The following ZMAT1 variants were observed in gnomAD, a reference collection of about 807,000 sequenced individuals.
ZMAT1 encodes the protein zinc finger matrin-type protein 1.
A neutral mutation model predicts 18.5 loss-of-function variants in ZMAT1; 11 were observed. The observed-to-expected ratio is 0.59, with a 90% CI of 0.37 to 0.98. The LOEUF is 0.98. ZMAT1 is among the 50% of genes least tolerant of loss of function. ZMAT1 has a pLI of 0.01. For missense variants in ZMAT1, 525 were observed against 496.2 expected (o/e 1.06, Z -0.55); for synonymous variants, 211 against 176.4 (o/e 1.20, Z -1.55).
intron 1 of ZMAT1, chrX:101,911,632 C>T (rs1031086722): frequency 4.3e-5 from 51 of 1,197,810 alleles, no homozygotes; most frequent in East Asian, 3.3e-4. Context: ...CAAACATTAG[C>T]GAATCCACGC....
chrX:101,911,270 A>G (rs901701065), intron 1 of ZMAT1, among the ~76,000 whole-genome samples: 2 of 112,310 alleles, frequency 1.8e-5, no homozygotes, highest in African/African-American at 6.5e-5. Flanking sequence ...CTGTGCTAAA[A>G]GAAATGCTAA....
At chrX:101,928,238 T>C (rs1930172574) in intron 1 of ZMAT1, among the ~76,000 whole-genome samples, 1 of 112,823 alleles carries the variant, frequency 8.9e-6, no homozygotes, top group Non-Finnish European at 1.9e-5. Flanking sequence ...TTGTTTAGTA[T>C]AGCTGTGTTT....
chrX:101,899,765 G>A lies in ZMAT1; in HGVS notation c.400-1545C>T, dbSNP rs371765025. Among the ~76,000 whole-genome samples, 4 of 112,228 alleles carry A rather than the reference G, an allele frequency of 3.6e-5. No homozygotes were observed. In the Admixed American group the frequency reaches 3.8e-4, roughly 11 times the overall value. On this transcript the variant is annotated intron_variant, in intron 2 of 5. Coordinates refer to ENST00000651725, the MANE Select transcript of ZMAT1 (RefSeq NM_001394560.1). ...TTGTGAATTGTGCTGCTATAAATAT[G>A]CGTGTGCAAGCATCTTTTTTGAATA...
chrX:101,898,965 T>A (rs935684763), intron 2 of ZMAT1, among the ~76,000 whole-genome samples: 5 of 110,986 alleles, frequency 4.5e-5, no homozygotes, highest in African/African-American at 1.6e-4. Context: ...GGAGAATCAC[T>A]TGAACCCGGG....
chrX:101,919,921 A>G (rs1458325148), intron 1 of ZMAT1, among the ~76,000 whole-genome samples: 1 of 111,082 alleles, frequency 9.0e-6, no homozygotes, highest in Non-Finnish European at 1.9e-5. Flanking sequence ...GGATTGAACC[A>G]GAAGAAGGGT....
chrX:101,897,969 A>G lies in ZMAT1; in HGVS notation c.575T>C (p.Ile192Thr), dbSNP rs1927941640. Reference protein sequence around the residue: ...LCNMMFSSPLIAQSHYVGKVH... With the variant: ...LCNMMFSSPLTAQSHYVGKVH... ...CTTTCCCACATAGTGAGACTGAGCA[A>G]TAAGTGGAGAGCTAAACATCATGTT... is the stretch of plus-strand genomic sequence containing the variant. Residue 192 changes from isoleucine to threonine, a missense_variant, in exon 4 of 6, where the codon ATT (isoleucine) becomes ACT (threonine). Physicochemically the swap from Ile to Thr is moderately conservative, Grantham distance 89. Transcript: ENST00000651725. 2 of 1,211,738 alleles carry G rather than the reference A, an allele frequency of 1.7e-6. No homozygotes were observed. The highest frequency in any genetic ancestry group is 2.2e-6 in the Non-Finnish European group (2 of 895,382).
rs1380683306 is a variant in ZMAT1 at position 101,884,627 on chromosome X, A to T, written c.971T>A (p.Met324Lys). 1 of 1,211,059 alleles carries T rather than the reference A, an allele frequency of 8.3e-7. No individual in the cohort carries two copies. Among genetic ancestry groups the T allele is most frequent in the African/African-American group, 1.7e-5 (1 of 57,693 alleles). ...CTCAAATGGGAGTCTTTGTTCAAAC[A>T]TTCTATGTCTGGGTCTGGAATCGAC... Reference protein sequence around the residue: ...EVVDSRPRHRMFEQRLPFETF... With the variant: ...EVVDSRPRHRKFEQRLPFETF... The change falls in exon 6 of 6, where the codon ATG (methionine) becomes AAG (lysine). Residue 324 changes from methionine (M) to lysine (K), a missense_variant. Physicochemically the swap from Met to Lys is moderately conservative, Grantham distance 95. Transcript: ENST00000651725.
chrX:101,916,385 C>T (rs1929333515), intron 1 of ZMAT1, among the ~76,000 whole-genome samples: 1 of 111,354 alleles, frequency 9.0e-6, no homozygotes, highest in African/African-American at 3.3e-5. Flanking sequence ...CACTTGTATT[C>T]TGGAATTTAA....
intron 1 of ZMAT1, among the ~76,000 whole-genome samples, chrX:101,908,925 C>A (rs1432894386): frequency 9.1e-6 from 1 of 110,493 alleles, no homozygotes; most frequent in East Asian, 2.9e-4. Flanking sequence ...CATACTGAGA[C>A]ACCAGCTGGG....
intron 1 of ZMAT1, among the ~76,000 whole-genome samples, chrX:101,925,988 C>A (rs763593932): frequency 1.2e-3 from 134 of 112,281 alleles, no homozygotes; most frequent in Non-Finnish European, 2.0e-3. Flanking sequence ...AGTTTAGAAC[C>A]AATCCAATGT....
At chrX:101,911,961 C>G in intron 1 of ZMAT1, 4 of 1,204,199 alleles carry the variant, frequency 3.3e-6, no homozygotes, top group Non-Finnish European at 4.5e-6. Context: ...ACCCACCTCA[C>G]TCAGCACCGG....
intron 4 of ZMAT1, chrX:101,894,386 G>A: frequency 1.4e-6 from 1 of 736,587 alleles, no homozygotes. Flanking sequence ...GGAGGTAGAA[G>A]AGTCACAGCT....
At chrX:101,925,314 G>T (rs1929991437) in intron 1 of ZMAT1, among the ~76,000 whole-genome samples, 1 of 112,257 alleles carries the variant, frequency 8.9e-6, no homozygotes, top group African/African-American at 3.2e-5. Flanking sequence ...TTTGGTGGGA[G>T]AAATGAATAA....
At chrX:101,907,844 T>C (rs1208953195) in intron 1 of ZMAT1, among the ~76,000 whole-genome samples, 2 of 110,518 alleles carry the variant, frequency 1.8e-5, no homozygotes, top group Non-Finnish European at 3.8e-5. Context: ...AACTCAAAGA[T>C]AAGCTATTTG....
At chrX:101,893,698 C>A (rs1052032317) in intron 4 of ZMAT1, among the ~76,000 whole-genome samples, 2 of 111,560 alleles carry the variant, frequency 1.8e-5, no homozygotes. Context: ...TAATTGGAGA[C>A]AGACACATGC....
In ZMAT1 at chrX:101,884,436, C is replaced by T. The variant is rs1172072819; in HGVS notation, c.1162G>A (p.Glu388Lys). Reference protein sequence around the residue: ...DPKTCFRKMRENSVDTHGYRE... With the variant: ...DPKTCFRKMRKNSVDTHGYRE... ...TACCCATGAGTATCCACAGAGTTCT[C>T]TCTCATCTTTCTGAAACAAGTCTTT... is the stretch of plus-strand genomic sequence containing the variant. The change falls in exon 6 of 6, where the codon GAG (glutamate) becomes AAG (lysine). Residue 388 changes from glutamate to lysine, a missense_variant. By Grantham distance (56) the Glu-to-Lys change is moderately conservative. Transcript: ENST00000651725. 1 of 1,209,230 alleles carries T rather than the reference C, an allele frequency of 8.3e-7. No individual in the cohort carries two copies. The highest frequency in any genetic ancestry group is 1.1e-6 in the Non-Finnish European group (1 of 894,866).
chrX:101,891,480 A>T (rs184195990), intron 4 of ZMAT1, among the ~76,000 whole-genome samples: 1 of 111,448 alleles, frequency 9.0e-6, no homozygotes, highest in African/African-American at 3.3e-5. Flanking sequence ...GGAGTATGAA[A>T]GGCAGAAGAT....
chrX:101,893,089 A>G (rs1405551982), intron 4 of ZMAT1, among the ~76,000 whole-genome samples: 1 of 111,919 alleles, frequency 8.9e-6, no homozygotes, highest in Non-Finnish European at 1.9e-5. Flanking sequence ...GCTAATGTAA[A>G]GTGATTCCAA....
rs191105478 is a variant in ZMAT1, at chrX:101,911,759, T to G, written c.293-7429A>C. 3.3e-6 allele frequency: 4 copies of G among 1,207,954 alleles called. No individual in the cohort carries two copies. The Admixed American group carries it at 8.7e-5, about 26-fold the overall frequency. On this transcript the variant is annotated intron_variant, in intron 1 of 5. Transcript: ENST00000651725. Reference sequence around the variant, plus strand: ...AGAGAAACCCTATGAATGTAACCAGTGTGGCAGAGCCTTCGGCCAGAGCTC... The same window carrying G: ...AGAGAAACCCTATGAATGTAACCAGGGTGGCAGAGCCTTCGGCCAGAGCTC...
Sources: gnomAD v4.1 joint callset for allele counts (sites outside exome capture counted in the v4.1 genomes callset) on GRCh38, gnomAD v4.1.1 for gene constraint, MANE v1.5 for transcripts, NCBI Gene and HGNC (gene_info 2026-07-23, HGNC 2026-07-21) for gene names.